Variants in SLCO1C1 observed in about 807,000 individuals in gnomAD.
SLCO1C1 encodes the protein solute carrier organic anion transporter family member 1C1.
In SLCO1C1, 70 loss-of-function variants were observed where a neutral mutation model predicts 76.4. The observed-to-expected ratio is 0.92, with a 90% CI of 0.76 to 1.12. The LOEUF (loss-of-function observed/expected upper bound fraction) is 1.12, where lower values mean the gene tolerates loss of function less well. Among genes scored for constraint, SLCO1C1 ranks in the 50% most tolerant of loss-of-function variants. The probability of loss-of-function intolerance (pLI) is 0.00; values close to 1 mark genes in which losing one functional copy is unlikely to be tolerated. For missense variants in SLCO1C1, 912 were observed against 823.8 expected, an observed-to-expected ratio of 1.11 and a Z score of -1.31; for synonymous variants, 306 against 286.1, an observed-to-expected ratio of 1.07 and a Z score of -0.70.
chr12:20,717,099 CTTTT>C (rs3983551), intron 6 of SLCO1C1, 29 bp from the exon 7 acceptor site: 173,264 of 1,259,290 alleles, frequency 0.14, 10,888 homozygotes, highest in Non-Finnish European at 0.16. Flanking sequence ...GAAATGACAG[CTTTT>C]TTTTTTTCCT....
rs984901914 is a variant in SLCO1C1 at position 20,715,279 on chromosome 12, T to A, written c.670T>A (p.Tyr224Asn). 6.2e-7 allele frequency: 1 copy of A among 1,613,712 alleles called. No homozygotes were observed. The highest frequency in any genetic ancestry group is 8.5e-7 in the Non-Finnish European group (1 of 1,179,878). ...DFASEDNAAF[Y>N]IGCVQTVAII... ...TGCCAGTGAAGACAATGCAGCTTTCTATATTGGTAATATTGGCATATTGCT... is the reference window on the plus strand; with the variant it reads ...TGCCAGTGAAGACAATGCAGCTTTCAATATTGGTAATATTGGCATATTGCT... The change falls in exon 6 of 15, where the codon TAT (tyrosine) becomes AAT (asparagine). Residue 224 changes from tyrosine to asparagine, a missense_variant. Physicochemically the swap from Tyr to Asn is moderately radical, Grantham distance 143. Transcript: ENST00000266509.
In SLCO1C1 at chr12:20,699,668, C is replaced by T; in HGVS notation, c.92C>T (p.Ser31Phe). The change falls in exon 2 of 15, where the codon TCC (serine) becomes TTC (phenylalanine). Residue 31 changes from serine (S) to phenylalanine (F), a missense_variant. Coordinates refer to ENST00000266509, the MANE Select transcript of SLCO1C1 (RefSeq NM_017435.5). ...CCTTCTTTTAAAACAGAATATCCCT[C>T]CTCAGAAGAAAAGCAACCATGCTGT... is the stretch of plus-strand genomic sequence containing the variant. ...GRPSFKTEYP[S>F]SEEKQPCCGE... 1 of 1,612,098 alleles carries T rather than the reference C, an allele frequency of 6.2e-7. No individual in the cohort carries two copies. Among genetic ancestry groups the T allele is most frequent in the South Asian group, 1.1e-5 (1 of 90,912 alleles).
intron 1 of SLCO1C1, among the ~76,000 whole-genome samples, 154 bp from the exon 2 acceptor site, chr12:20,699,398 A>G (rs1480315188): frequency 6.6e-6 from 1 of 152,090 alleles, no homozygotes; most frequent in Non-Finnish European, 1.5e-5. Flanking sequence ...ATCCTGGTTG[A>G]TTTTAATTGA....
intron 4 of SLCO1C1, among the ~76,000 whole-genome samples, chr12:20,706,746 G>C (rs1449822552): frequency 1.3e-5 from 2 of 152,056 alleles, no homozygotes; most frequent in African/African-American, 4.8e-5. Context: ...GATGACTTTT[G>C]TAAATTTAGG....
chr12:20,750,029 G>A (rs1448194170), intron 13 of SLCO1C1, among the ~76,000 whole-genome samples: 2 of 152,166 alleles, frequency 1.3e-5, no homozygotes, highest in African/African-American at 4.8e-5. Flanking sequence ...TGAAATGTAA[G>A]ACAACAATCT....
chr12:20,737,250 C>T lies in SLCO1C1; in HGVS notation c.1526C>T (p.Ser509Phe), dbSNP rs770744239. Residue 509 changes from serine (S) to phenylalanine (F), a missense_variant, in exon 11 of 15, where the codon TCC (serine) becomes TTC (phenylalanine). Ser to Phe is a radical substitution (Grantham distance 155). Coordinates refer to ENST00000266509, the MANE Select transcript of SLCO1C1 (RefSeq NM_017435.5). The stretch of plus-strand genomic sequence containing the variant: ...GCTTGTCTTGCTGGTTGTCAAACCT[C>T]CAACAGGAGTGGAAAAAATATTGTA... ...VSACLAGCQT[S>F]NRSGKNIIFY... The T allele has an allele frequency of 2.6e-6, 4 of 1,562,842 alleles. No individual in the cohort carries two copies. The Admixed American group carries it at 8.5e-5, about 33-fold the overall frequency.
intron 11 of SLCO1C1, among the ~76,000 whole-genome samples, chr12:20,738,026 C>A (rs1948628475): frequency 6.6e-6 from 1 of 152,028 alleles, no homozygotes; most frequent in South Asian, 2.1e-4. Flanking sequence ...ACCATCTTCA[C>A]CTTTTATCCT....
chr12:20,717,499 T>C (rs1024583171), intron 7 of SLCO1C1, among the ~76,000 whole-genome samples: 12 of 151,860 alleles, frequency 7.9e-5, no homozygotes, highest in African/African-American at 2.9e-4. Flanking sequence ...CATTCCAGCA[T>C]AGTTAAGACT....
At chr12:20,742,667 G>A (rs1438146305) in intron 12 of SLCO1C1, among the ~76,000 whole-genome samples, 3 of 151,210 alleles carry the variant, frequency 2.0e-5, no homozygotes, top group Admixed American at 1.3e-4. Flanking sequence ...CTGAGTAGCT[G>A]GGACTACAGG....
chr12:20,752,313 T>C lies in SLCO1C1; in HGVS notation c.1924T>C (p.Tyr642His), dbSNP rs1949348624. ...GATTCTCTCTTCTTCTAGACATATA[T>C]ATCTGGGACTAACTGTGATACTGGG... is the stretch of plus-strand genomic sequence containing the variant. ...LYDSNVFRHIYLGLTVILGTV... is the reference protein window; with the variant it reads ...LYDSNVFRHIHLGLTVILGTV... Residue 642 changes from tyrosine (Y) to histidine (H), a missense_variant, in exon 15 of 15, where the codon TAT (tyrosine) becomes CAT (histidine). By Grantham distance (83) the Tyr-to-His change is moderately conservative. Coordinates refer to ENST00000266509, the MANE Select transcript of SLCO1C1 (RefSeq NM_017435.5). 4.5e-6 allele frequency: 7 copies of C among 1,570,040 alleles called. No homozygotes were observed. The highest frequency in any genetic ancestry group is 2.3e-5 in the East Asian group (1 of 44,416).
At chr12:20,718,004 T>G (rs765034754) in intron 7 of SLCO1C1, among the ~76,000 whole-genome samples, 1 of 152,150 alleles carries the variant, frequency 6.6e-6, no homozygotes, top group Admixed American at 6.5e-5. Context: ...TTAAATCAAA[T>G]AAACTACAAG....
chr12:20,744,191 T>C lies in SLCO1C1; in HGVS notation c.1798+822T>C, dbSNP rs1483915842. Among the ~76,000 whole-genome samples the C allele has an allele frequency of 2.0e-5, 3 of 152,180 alleles. No individual in the cohort carries two copies. The East Asian group carries it at 5.8e-4, about 29-fold the overall frequency. ...ATCATGACTGGCTCTAATTCTATAA[T>C]GAAATATGTATTAGCTAGAAAAGTG... On this transcript the variant is annotated intron_variant, in intron 13 of 14. Coordinates refer to ENST00000266509, the MANE Select transcript of SLCO1C1 (RefSeq NM_017435.5).
At chr12:20,717,648 CTTTT>C (rs534946900) in intron 7 of SLCO1C1, among the ~76,000 whole-genome samples, 25 of 42,288 alleles carry the variant, frequency 5.9e-4, no homozygotes, top group African/African-American at 1.6e-3. Flanking sequence ...AACAGCCCTT[CTTTT>C]TTTTTTTTTT....
At chr12:20,726,179 G>A (rs1274272983) in intron 9 of SLCO1C1, among the ~76,000 whole-genome samples, 1 of 151,848 alleles carries the variant, frequency 6.6e-6, no homozygotes, top group Non-Finnish European at 1.5e-5. Context: ...CATAGTAAAT[G>A]CGTATATCTG....
rs1949263530 is a variant in SLCO1C1, at chr12:20,750,758, G to A, written c.1882G>A (p.Gly628Arg). The A allele has an allele frequency of 2.5e-6, 4 of 1,614,010 alleles. No homozygotes were observed. Among genetic ancestry groups the A allele is most frequent in the East Asian group, 4.5e-5 (2 of 44,852 alleles). Residue 628 changes from glycine to arginine, a missense_variant, in exon 14 of 15, where the codon GGA (glycine) becomes AGA (arginine). Physicochemically the swap from Gly to Arg is moderately radical, Grantham distance 125 (BLOSUM62 -2). Transcript: ENST00000266509. ...KWGFKRCGSR[G>R]SCRLYDSNVF... ...GGGATTTAAAAGATGTGGAAGTAGA[G>A]GATCATGCAGATTATATGATTCAAA...
chr12:20,752,394 GT>G lies in SLCO1C1; in HGVS notation c.2008del (p.Ser670GlnfsTer7), dbSNP rs1949353142. The G allele has an allele frequency of 6.2e-7, 1 of 1,613,090 alleles. No homozygotes were observed. Among genetic ancestry groups the G allele is most frequent in the Non-Finnish European group, 8.5e-7 (1 of 1,179,466 alleles). ...AVLFILKKNY[V>X]SKHRSFITKR... is the part of the protein sequence containing the mutation. ...ACTTTTCATTTTAAAGAAAAATTAT[GT>G]TTCAAAACACAGAAGTTTTATAACC... On this transcript the variant is annotated frameshift_variant, in exon 15 of 15. Coordinates refer to ENST00000266509, the MANE Select transcript of SLCO1C1 (RefSeq NM_017435.5). LOFTEE classifies it high-confidence loss of function.
intron 9 of SLCO1C1, 71 bp from the exon 10 acceptor site, chr12:20,732,838 G>C: frequency 6.7e-7 from 1 of 1,501,404 alleles, no homozygotes; most frequent in Non-Finnish European, 9.1e-7. Context: ...ATAGTCTTTA[G>C]AAAGTTTGTG....
chr12:20,699,142 T>G (rs530240159), intron 1 of SLCO1C1, among the ~76,000 whole-genome samples: 10 of 152,158 alleles, frequency 6.6e-5, no homozygotes, highest in Non-Finnish European at 1.2e-4. Context: ...GCTAAGAAGA[T>G]AGATTTAAAG....
At chr12:20,721,392 T>G (rs562435118) in intron 7 of SLCO1C1, among the ~76,000 whole-genome samples, 1 of 152,326 alleles carries the variant, frequency 6.6e-6, no homozygotes, top group African/African-American at 2.4e-5. Flanking sequence ...TGAGATGGGA[T>G]CCTGTACCAG....
Sources: allele counts gnomAD v4.1 joint callset (sites outside exome capture counted in the v4.1 genomes callset), GRCh38; gene constraint gnomAD v4.1.1; transcripts MANE v1.5; gene names NCBI Gene and HGNC (gene_info 2026-07-23, HGNC 2026-07-21).